The following HGD variants were observed in gnomAD, a reference collection of about 807,000 sequenced individuals.
HGD encodes homogentisate oxidase.
HGD carries 61 observed loss-of-function variants against 60.8 expected under a neutral mutation model. That is an observed-to-expected ratio of 1.00 (90% CI 0.82 to 1.24). HGD has a LOEUF of 1.24. Among genes scored for constraint, HGD ranks in the 50% most tolerant of loss-of-function variants. HGD has a pLI of 0.00. For synonymous variants in HGD, 212 were observed against 187.7 expected (o/e 1.13, Z -1.06); for missense variants, 542 against 547.1 (o/e 0.99, Z 0.09).
intron 4 of HGD, among the ~76,000 whole-genome samples, chr3:120,655,006 G>A (rs374940474): frequency 5.3e-4 from 81 of 152,310 alleles, no homozygotes; most frequent in African/African-American, 1.8e-3. Context: ...GGGAGGTGGA[G>A]GTTGCAGTGA....
At chr3:120,674,269 C>T (rs1197791024) in intron 3 of HGD, among the ~76,000 whole-genome samples, 2 of 152,178 alleles carry the variant, frequency 1.3e-5, no homozygotes, top group African/African-American at 4.8e-5. Context: ...CTGCATCCAA[C>T]CTGCCTGATA....
At chr3:120,676,142 T>C (rs1708126673) in intron 1 of HGD, among the ~76,000 whole-genome samples, 1 of 152,144 alleles carries the variant, frequency 6.6e-6, no homozygotes, top group South Asian at 2.1e-4. Flanking sequence ...GTCTACACTG[T>C]AACCTCCCTG....
intron 4 of HGD, among the ~76,000 whole-genome samples, chr3:120,657,635 A>G (rs535025468): frequency 2.1e-4 from 32 of 152,336 alleles, no homozygotes; most frequent in Admixed American, 1.7e-3. Context: ...ACATTGCTAT[A>G]AAGAATTACC....
chr3:120,643,524 G>A (rs1941059445), intron 10 of HGD, among the ~76,000 whole-genome samples: 1 of 152,204 alleles, frequency 6.6e-6, no homozygotes. Context: ...ATAACAATAT[G>A]TCTGCTTCAG....
In HGD at chr3:120,633,337, G is replaced by A; in HGVS notation, c.1007-9C>T. 1.9e-6 allele frequency: 3 copies of A among 1,614,156 alleles called. No homozygotes were observed. Among genetic ancestry groups the A allele is most frequent in the Non-Finnish European group, 2.5e-6 (3 of 1,180,012 alleles). On this transcript the variant is annotated splice_polypyrimidine_tract_variant and intron_variant, in intron 12 of 13. Transcript: ENST00000283871. ...CTCACTCATGCAGTTCCCTGGGAAG[G>A]TTGAAGCAGTATTATTTTTATTATC... is the stretch of plus-strand genomic sequence containing the variant.
intron 1 of HGD, among the ~76,000 whole-genome samples, chr3:120,680,521 T>G (rs146721317): frequency 6.6e-6 from 1 of 152,340 alleles, no homozygotes; most frequent in African/African-American, 2.4e-5. Context: ...GGATTTTACA[T>G]AAAATTTATT....
At chr3:120,659,621 T>C (rs1344100356) in intron 4 of HGD, among the ~76,000 whole-genome samples, 2 of 152,214 alleles carry the variant, frequency 1.3e-5, no homozygotes, top group Non-Finnish European at 2.9e-5. Flanking sequence ...TCTTCCTGTC[T>C]TCTGAGCCCT....
intron 11 of HGD, among the ~76,000 whole-genome samples, chr3:120,639,256 A>G (rs754734206): frequency 6.6e-6 from 1 of 152,092 alleles, no homozygotes; most frequent in South Asian, 2.1e-4. Context: ...GTTTATGTCC[A>G]TGGGTGCTCA....
intron 3 of HGD, among the ~76,000 whole-genome samples, chr3:120,673,507 CAG>C (rs10575916): frequency 0.27 from 40,669 of 150,760 alleles, 6,441 homozygotes; most frequent in African/African-American, 0.44. Flanking sequence ...TTTGGGCTTA[CAG>C]AGAGAGAGAG....
intron 4 of HGD, among the ~76,000 whole-genome samples, chr3:120,664,578 C>T (rs1386796473): frequency 6.6e-6 from 1 of 151,992 alleles, no homozygotes; most frequent in Non-Finnish European, 1.5e-5. Context: ...CCGGTGCTTG[C>T]CACCATGCTC....
At chr3:120,662,261 G>T (rs1049077796) in intron 4 of HGD, among the ~76,000 whole-genome samples, 4 of 152,132 alleles carry the variant, frequency 2.6e-5, no homozygotes, top group Admixed American at 1.3e-4. Flanking sequence ...AATTTAGCAC[G>T]CTGATTCTGG....
chr3:120,654,273 A>G (rs1941428638), intron 4 of HGD, among the ~76,000 whole-genome samples: 1 of 152,136 alleles, frequency 6.6e-6, no homozygotes, highest in South Asian at 2.1e-4. Context: ...TGCCTGCGTA[A>G]TCTTTTAGCT....
chr3:120,671,846 A>G (rs1290754857), intron 3 of HGD, among the ~76,000 whole-genome samples: 2 of 152,220 alleles, frequency 1.3e-5, no homozygotes. Context: ...AGGGACATGG[A>G]TGGAACTGGA....
At chr3:120,657,675 G>T (rs1262113527) in intron 4 of HGD, among the ~76,000 whole-genome samples, 1 of 152,152 alleles carries the variant, frequency 6.6e-6, no homozygotes, top group African/African-American at 2.4e-5. Flanking sequence ...AAGAAAAGAG[G>T]TTTAACTGGC....
intron 7 of HGD, 33 bp from the exon 8 acceptor site, chr3:120,647,085 T>C (rs766597336): frequency 5.8e-6 from 9 of 1,547,204 alleles, no homozygotes; most frequent in South Asian, 5.6e-5. Flanking sequence ...TGGTGAGCAA[T>C]TCTTTTGGTG....
At chr3:120,674,259 C>T (rs141091610) in intron 3 of HGD, among the ~76,000 whole-genome samples, 4,708 of 152,238 alleles carry the variant, frequency 0.031, 169 homozygotes, top group African/African-American at 0.084. Context: ...ATAACACATA[C>T]TGCATCCAAC....
chr3:120,664,524 C>G (rs1162183480), intron 4 of HGD, among the ~76,000 whole-genome samples: 5 of 149,232 alleles, frequency 3.4e-5, no homozygotes, highest in Non-Finnish European at 7.4e-5. Flanking sequence ...ACCTCCCAGG[C>G]TCGAGCAGTC....
intron 12 of HGD, chr3:120,633,659 A>G (rs370523): frequency 1.7e-6 from 2 of 1,178,158 alleles, no homozygotes; most frequent in Non-Finnish European, 2.3e-6. Flanking sequence ...GAGCGAATGT[A>G]CTCTATCATC....
At chr3:120,633,704 C>A in intron 12 of HGD, 1 of 795,708 alleles carries the variant, frequency 1.3e-6, no homozygotes, top group Non-Finnish European at 1.8e-6. Context: ...GTTATCTTAT[C>A]TCCCAGATCA....
Sources: gnomAD v4.1 joint callset for allele counts (sites outside exome capture counted in the v4.1 genomes callset) on GRCh38, gnomAD v4.1.1 for gene constraint, MANE v1.5 for transcripts, NCBI Gene and HGNC (gene_info 2026-07-23, HGNC 2026-07-21) for gene names.